SLC26A11: variants seen among roughly 807,000 people sequenced by gnomAD.
The protein encoded by SLC26A11 is sodium-independent sulfate anion transporter.
Under a neutral mutation model 62.2 loss-of-function variants are expected in SLC26A11, and 58 were observed. The observed-to-expected ratio is 0.93, with a 90% CI of 0.76 to 1.16. The LOEUF (loss-of-function observed/expected upper bound fraction) is 1.16. Among genes scored for constraint, SLC26A11 ranks in the 50% most tolerant of loss-of-function variants. The pLI is 0.00. For synonymous variants in SLC26A11, 411 were observed against 368.9 expected (o/e 1.11, Z -1.31); for missense variants, 790 against 794.3 (o/e 0.99, Z 0.06).
intron 17 of SLC26A11, among the ~76,000 whole-genome samples, chr17:80,251,779 A>G (rs1454826515): frequency 6.6e-6 from 1 of 151,728 alleles, no homozygotes; most frequent in African/African-American, 2.4e-5. Flanking sequence ...AAAAAAAACA[A>G]AAAAAACAGG....
At chr17:80,241,265 CTTG>C (rs1024360128) in intron 9 of SLC26A11, among the ~76,000 whole-genome samples, 9 of 152,126 alleles carry the variant, frequency 5.9e-5, no homozygotes, top group Non-Finnish European at 1.2e-4. Context: ...TACATGTTTT[CTTG>C]TTGTTGTTTG....
chr17:80,237,934 A>G (rs371853138), intron 9 of SLC26A11, among the ~76,000 whole-genome samples: 25 of 152,360 alleles, frequency 1.6e-4, no homozygotes, highest in Admixed American at 1.3e-3. Context: ...GAGTTTGCAC[A>G]TGGAGCTGGG....
chr17:80,224,268 T>TGA (rs2042315088), intron 5 of SLC26A11, among the ~76,000 whole-genome samples: 2 of 128,600 alleles, frequency 1.6e-5, no homozygotes, highest in Admixed American at 9.0e-5. Flanking sequence ...TGTGTGCGTG[T>TGA]GTGAGTGAGT....
At chr17:80,224,264 C>A (rs12953298) in intron 5 of SLC26A11, among the ~76,000 whole-genome samples, 2 of 124,984 alleles carry the variant, frequency 1.6e-5, no homozygotes, top group African/African-American at 2.9e-5. Context: ...TGAGTGTGTG[C>A]GTGTGTGAGT....
At chr17:80,245,126 C>CA in intron 10 of SLC26A11, 70 bp from the exon 11 acceptor site, 2 of 1,468,110 alleles carry the variant, frequency 1.4e-6, no homozygotes, top group Non-Finnish European at 1.9e-6. Context: ...TTTTGTCCCC[C>CA]TCCCCATCTC....
In SLC26A11 at chr17:80,248,601, G is replaced by T. The variant is rs766969563; in HGVS notation, c.1449G>T (p.Leu483=). ...TKVSEGPVLV[L]QPASGLSFPA... ...TGTCAGAGGGGCCGGTTCTGGTCCTGCAGCCGGCCAGCGGCCTGTCCTTCC... is the reference window on the plus strand; with the variant it reads ...TGTCAGAGGGGCCGGTTCTGGTCCTTCAGCCGGCCAGCGGCCTGTCCTTCC... The change falls in exon 15 of 18, where the codon CTG becomes CTT. Residue 483 remains leucine (L), a synonymous_variant. Coordinates refer to ENST00000361193, the MANE Select transcript of SLC26A11 (RefSeq NM_001166347.2). The T allele has an allele frequency of 3.1e-6, 5 of 1,588,314 alleles. No homozygotes were observed. The highest frequency in any genetic ancestry group is 1.1e-5 in the South Asian group (1 of 86,980).
At chr17:80,232,090 CAT>C (rs2042579856) in intron 7 of SLC26A11, among the ~76,000 whole-genome samples, 1 of 152,066 alleles carries the variant, frequency 6.6e-6, no homozygotes, top group East Asian at 1.9e-4. Context: ...GTTATTGTTT[CAT>C]ATATTTTGAA....
At position 80,246,774 on chromosome 17, in the gene SLC26A11, C is replaced by G. The variant is rs990395303; in HGVS notation, c.1294+125C>G. ...GCTGGGACTGGGAAGTTAGGGCAGT[C>G]CCGGAACAGAGAAGTGGATGGCCAG... On this transcript the variant is annotated intron_variant, in intron 13 of 17. Coordinates refer to ENST00000361193, the MANE Select transcript of SLC26A11 (RefSeq NM_001166347.2). This position sits in a 1 kb window ranked among gnomAD's most constrained non-coding sequence, Gnocchi z 4.4. 3.1e-6 allele frequency: 4 copies of G among 1,295,016 alleles called. No individual in the cohort carries two copies. In the Admixed American group the frequency reaches 8.9e-5, roughly 29 times the overall value. The allele number at this position is 1,295,016 out of a possible 1,614,324, so 80.2% of individuals were successfully genotyped here.
At chr17:80,235,294 C>T (rs1443700789) in intron 7 of SLC26A11, among the ~76,000 whole-genome samples, 1 of 151,918 alleles carries the variant, frequency 6.6e-6, no homozygotes, top group Non-Finnish European at 1.5e-5. Context: ...GTTACAGTTA[C>T]TCTTTTAATG....
At chr17:80,221,879 C>T in intron 3 of SLC26A11, 85 bp downstream of exon 3, 1 of 1,353,108 alleles carries the variant, frequency 7.4e-7, no homozygotes, top group Non-Finnish European at 9.9e-7. Context: ...TCAGCGATTC[C>T]AGGTTTCCAG....
chr17:80,248,507 T>A (rs1215510197), intron 14 of SLC26A11, 68 bp from the exon 15 acceptor site: 4 of 1,481,962 alleles, frequency 2.7e-6, no homozygotes, highest in Non-Finnish European at 3.6e-6. Context: ...GCTTCCCGCT[T>A]GGGACAGGCC....
chr17:80,227,303 C>T (rs2042438478), intron 6 of SLC26A11, among the ~76,000 whole-genome samples: 1 of 152,230 alleles, frequency 6.6e-6, no homozygotes, highest in Admixed American at 6.5e-5. Context: ...GTGGGTTTGG[C>T]AGACTTGTTC....
chr17:80,236,436 G>A (rs1211902999), intron 7 of SLC26A11, among the ~76,000 whole-genome samples: 1 of 152,182 alleles, frequency 6.6e-6, no homozygotes, highest in Non-Finnish European at 1.5e-5. Flanking sequence ...GGGGACCATC[G>A]GGGAAACCGT....
At chr17:80,242,357 G>T (rs967412666) in intron 10 of SLC26A11, among the ~76,000 whole-genome samples, 2 of 152,202 alleles carry the variant, frequency 1.3e-5, no homozygotes, top group Admixed American at 1.3e-4. Context: ...GCTGACATCT[G>T]TTGTCTGTTC....
chr17:80,248,730 A>G, intron 15 of SLC26A11, 56 bp downstream of exon 15: 1 of 1,488,492 alleles, frequency 6.7e-7, no homozygotes, highest in Non-Finnish European at 9.1e-7. Context: ...TCTGCCCCCC[A>G]CTCCCTGCTG....
chr17:80,231,003 T>C (rs2042550144), intron 7 of SLC26A11, among the ~76,000 whole-genome samples: 1 of 150,818 alleles, frequency 6.6e-6, no homozygotes, highest in Non-Finnish European at 1.5e-5. Context: ...TGTCTAGAAG[T>C]GTGTCAATGT....
At chr17:80,229,750 C>T (rs970303077) in intron 7 of SLC26A11, among the ~76,000 whole-genome samples, 1 of 152,164 alleles carries the variant, frequency 6.6e-6, no homozygotes, top group African/African-American at 2.4e-5. Flanking sequence ...TATCTTAAAC[C>T]TTGAGACTCA....
At chr17:80,248,726 C>T in intron 15 of SLC26A11, 52 bp downstream of exon 15, 2 of 1,499,284 alleles carry the variant, frequency 1.3e-6, no homozygotes, top group Non-Finnish European at 1.8e-6. Flanking sequence ...GTCCTCTGCC[C>T]CCCACTCCCT....
At chr17:80,248,503 C>T (rs1416152799) in intron 14 of SLC26A11, 72 bp from the exon 15 acceptor site, 24 of 1,462,822 alleles carry the variant, frequency 1.6e-5, no homozygotes, top group African/African-American at 2.8e-5. Context: ...GGGGGCTTCC[C>T]GCTTGGGACA....
Sources: allele counts gnomAD v4.1 joint callset (sites outside exome capture counted in the v4.1 genomes callset), GRCh38; gene constraint gnomAD v4.1.1; non-coding constraint Gnocchi (gnomAD v3.1); transcripts MANE v1.5; gene names NCBI Gene and HGNC (gene_info 2026-07-23, HGNC 2026-07-21).